The following CCSER1 variants were observed in gnomAD, a reference collection of about 807,000 sequenced individuals.
CCSER1 encodes the protein coiled-coil serine rich protein 1, also known as serine-rich coiled-coil domain-containing protein 1.
Under a neutral mutation model 82.0 loss-of-function variants are expected in CCSER1, and 41 were observed. The ratio of observed to expected loss-of-function variants is 0.50; its 90% CI spans 0.39 to 0.65. The LOEUF is 0.65. Ranked by LOEUF, CCSER1 falls within the 30% of genes least tolerant of loss-of-function variation. CCSER1 has a pLI of 0.00. For synonymous variants in CCSER1, 414 were observed against 383.9 expected, an observed-to-expected ratio of 1.08 and a Z score of -0.92; for missense variants, 1,119 against 1,064.2, an observed-to-expected ratio of 1.05 and a Z score of -0.72.
intron 7 of CCSER1, among the ~76,000 whole-genome samples, chr4:90,751,106 G>C (rs995505971): frequency 6.6e-6 from 1 of 152,068 alleles, no homozygotes; most frequent in Non-Finnish European, 1.5e-5. Flanking sequence ...GATATGTAAA[G>C]ATTCACATAT....
At chr4:91,376,997 G>GT (rs1368640233) in intron 10 of CCSER1, among the ~76,000 whole-genome samples, 1 of 150,496 alleles carries the variant, frequency 6.6e-6, no homozygotes, top group East Asian at 2.0e-4. Context: ...AGAACATGTG[G>GT]TGTTTCGTTT....
intron 7 of CCSER1, among the ~76,000 whole-genome samples, chr4:90,754,177 A>G (rs2063624985): frequency 6.6e-6 from 1 of 152,216 alleles, no homozygotes; most frequent in Non-Finnish European, 1.5e-5. Context: ...TTTGCTCAGT[A>G]AAATGGAAGC....
chr4:91,537,059 T>G (rs1273702904), intron 10 of CCSER1, among the ~76,000 whole-genome samples: 1 of 152,138 alleles, frequency 6.6e-6, no homozygotes, highest in Non-Finnish European at 1.5e-5. Context: ...TTACTGCATA[T>G]GTTAATAATT....
intron 6 of CCSER1, among the ~76,000 whole-genome samples, chr4:90,652,740 G>T (rs1429296731): frequency 6.6e-6 from 1 of 152,056 alleles, no homozygotes; most frequent in Non-Finnish European, 1.5e-5. Context: ...CTATTTACAA[G>T]TTAATCTCTA....
chr4:90,723,261 G>A (rs926784720), intron 6 of CCSER1, among the ~76,000 whole-genome samples: 3 of 151,710 alleles, frequency 2.0e-5, no homozygotes, highest in African/African-American at 4.8e-5. Context: ...CATTAAAGAC[G>A]TTTTAATTGA....
At chr4:90,403,432 G>A (rs1253076275) in intron 4 of CCSER1, among the ~76,000 whole-genome samples, 11 of 146,124 alleles carry the variant, frequency 7.5e-5, no homozygotes, top group African/African-American at 2.8e-4. Flanking sequence ...CCGGGAGGCG[G>A]AGCTTGCAGT....
chr4:91,586,620 A>ACCTCT (rs1286482491), intron 10 of CCSER1, among the ~76,000 whole-genome samples: 9 of 151,772 alleles, frequency 5.9e-5, no homozygotes, highest in Non-Finnish European at 1.2e-4. Flanking sequence ...CAACTTAGAG[A>ACCTCT]TTTTCAAGAG....
At chr4:90,135,218 G>C (rs550849815) in intron 1 of CCSER1, among the ~76,000 whole-genome samples, 1 of 152,024 alleles carries the variant, frequency 6.6e-6, no homozygotes, top group Non-Finnish European at 1.5e-5. Context: ...ACATTACAAC[G>C]TATTTCTAGT....
intron 1 of CCSER1, among the ~76,000 whole-genome samples, chr4:90,171,050 T>C (rs560641120): frequency 6.6e-6 from 1 of 151,776 alleles, no homozygotes. Flanking sequence ...GGATACCGAA[T>C]TGCCTCTATT....
intron 10 of CCSER1, among the ~76,000 whole-genome samples, chr4:91,205,330 A>G (rs978502519): frequency 6.6e-5 from 10 of 151,840 alleles, no homozygotes; most frequent in Admixed American, 1.3e-4. Context: ...CGTGACCTCA[A>G]TTATTGTTAA....
At chr4:91,291,527 C>T (rs562743463) in intron 10 of CCSER1, among the ~76,000 whole-genome samples, 24 of 152,026 alleles carry the variant, frequency 1.6e-4, no homozygotes, top group South Asian at 1.2e-3. Flanking sequence ...CTTACAGTCA[C>T]GACAGAAGCA....
intron 5 of CCSER1, among the ~76,000 whole-genome samples, chr4:90,501,385 G>A (rs1017470361): frequency 6.6e-6 from 1 of 152,094 alleles, no homozygotes; most frequent in Admixed American, 6.6e-5. Flanking sequence ...TGTTGATCTA[G>A]GGGTGATAAA....
intron 10 of CCSER1, among the ~76,000 whole-genome samples, chr4:91,387,977 A>G (rs1162359574): frequency 1.3e-5 from 2 of 152,134 alleles, no homozygotes; most frequent in Non-Finnish European, 2.9e-5. Flanking sequence ...ATTCTAATAA[A>G]GTAACACTTT....
At chr4:91,375,297 G>A (rs1039786877) in intron 10 of CCSER1, among the ~76,000 whole-genome samples, 7 of 152,162 alleles carry the variant, frequency 4.6e-5, no homozygotes, top group Admixed American at 4.6e-4. Flanking sequence ...TGACTGAATT[G>A]TTACCATCTT....
At chr4:91,234,963 C>G (rs1337160998) in intron 10 of CCSER1, among the ~76,000 whole-genome samples, 1 of 151,740 alleles carries the variant, frequency 6.6e-6, no homozygotes, top group African/African-American at 2.4e-5. Flanking sequence ...CTTTGAGAGG[C>G]AATATAGCCT....
intron 4 of CCSER1, among the ~76,000 whole-genome samples, chr4:90,456,916 CA>C (rs1762240474): frequency 3.3e-5 from 5 of 152,300 alleles, no homozygotes; most frequent in Admixed American, 2.0e-4. Flanking sequence ...TGCCTTTGCC[CA>C]AGTTTTGCTC....
intron 1 of CCSER1, among the ~76,000 whole-genome samples, chr4:90,307,313 CAG>C (rs1734478345): frequency 6.6e-6 from 1 of 152,030 alleles, no homozygotes; most frequent in African/African-American, 2.4e-5. Context: ...CTGATTCTCT[CAG>C]TATGTATTGT....
At chr4:90,252,897 T>G (rs548177819) in intron 1 of CCSER1, among the ~76,000 whole-genome samples, 22 of 152,152 alleles carry the variant, frequency 1.4e-4, no homozygotes, top group African/African-American at 5.3e-4. Flanking sequence ...GTCATTTTTA[T>G]TTTTATGGTA....
Position 90,309,608 on chromosome 4 carries a change from G to A in CCSER1, c.1324G>A (p.Val442Ile). ...SHGYEANPAK[V>I]LASSLSPFRE... ...TGGATATGAAGCAAATCCTGCCAAA[G>A]GTATGCTGATTTTTTTTGTATAACA... Residue 442 changes from valine to isoleucine, a missense_variant and splice_region_variant, in exon 2 of 11, where the codon GTT becomes ATT. By Grantham distance (29) the Val-to-Ile change is conservative. Transcript: ENST00000509176. The A allele has an allele frequency of 1.3e-6, 2 of 1,552,374 alleles. No individual in the cohort carries two copies. Among genetic ancestry groups the A allele is most frequent in the Non-Finnish European group, 1.7e-6 (2 of 1,153,764 alleles).
Sources: allele counts gnomAD v4.1 joint callset (sites outside exome capture counted in the v4.1 genomes callset), GRCh38; gene constraint gnomAD v4.1.1; transcripts MANE v1.5; gene names NCBI Gene and HGNC (gene_info 2026-07-23, HGNC 2026-07-21).